Variants in KAZN observed in about 807,000 individuals in gnomAD.
The protein encoded by KAZN is kazrin, periplakin interacting protein, also known as kazrin.
In KAZN, 40 loss-of-function variants were observed where a neutral mutation model predicts 87.4. The ratio of observed to expected loss-of-function variants is 0.46; its 90% CI spans 0.36 to 0.60. The LOEUF (loss-of-function observed/expected upper bound fraction) is 0.60. Among genes scored for constraint, KAZN ranks in the 20% least tolerant of loss-of-function variants. The probability of loss-of-function intolerance (pLI) is 0.00; values close to 1 mark genes in which losing one functional copy is unlikely to be tolerated. For missense variants in KAZN, 898 were observed against 1,073.9 expected (o/e 0.84, Z 2.29); for synonymous variants, 466 against 458.3 (o/e 1.02, Z -0.22).
At chr1:14,667,902 G>A (rs1180384176) in intron 1 of KAZN, among the ~76,000 whole-genome samples, 3 of 151,612 alleles carry the variant, frequency 2.0e-5, no homozygotes, top group South Asian at 2.1e-4. Context: ...AAGCCAAACC[G>A]GAACAAAACC....
At chr1:14,730,380 C>A (rs1643625266) in intron 1 of KAZN, among the ~76,000 whole-genome samples, 1 of 152,190 alleles carries the variant, frequency 6.6e-6, no homozygotes, top group South Asian at 2.1e-4. Flanking sequence ...CCGTGCCCGG[C>A]CTAAAGTATC....
At chr1:14,873,553 G>A (rs185093763) in intron 1 of KAZN, among the ~76,000 whole-genome samples, 8 of 152,336 alleles carry the variant, frequency 5.3e-5, no homozygotes, top group Non-Finnish European at 2.9e-5. Context: ...CAGAGTGTGG[G>A]AGGAGAGGAA....
chr1:14,549,613 CT>C (rs5772587), intron 2 of KAZN, among the ~76,000 whole-genome samples: 3,408 of 135,112 alleles, frequency 0.025, 70 homozygotes, highest in South Asian at 0.093. Flanking sequence ...CAGGCAACCC[CT>C]TTTTTTTTTT....
rs56686642 is a variant in KAZN, at chr1:14,469,284, A to G, written c.250-129699A>G. ...GTTCCAATAGATCTTTCCTATTGACATTATTTAGCCAGTAGTCTAAGGACA... is the reference window on the plus strand; with the variant it reads ...GTTCCAATAGATCTTTCCTATTGACGTTATTTAGCCAGTAGTCTAAGGACA... On this transcript the variant is annotated intron_variant, in intron 2 of 16. Transcript: ENST00000636203. Among the ~76,000 whole-genome samples, 636 of 152,344 alleles carry G rather than the reference A, an allele frequency of 4.2e-3. 4 individuals are homozygous for G. The highest frequency in any genetic ancestry group is 0.013 in the African/African-American group (561 of 41,572).
At chr1:14,722,744 T>C (rs1422758558) in intron 1 of KAZN, among the ~76,000 whole-genome samples, 2 of 152,174 alleles carry the variant, frequency 1.3e-5, no homozygotes, top group Non-Finnish European at 2.9e-5. Flanking sequence ...CATCAACCCT[T>C]GGCCAGTCTT....
chr1:14,902,329 C>A (rs1656020465), intron 1 of KAZN, among the ~76,000 whole-genome samples: 1 of 151,914 alleles, frequency 6.6e-6, no homozygotes, highest in Non-Finnish European at 1.5e-5. Flanking sequence ...GGGTTCACGC[C>A]ATTCTCCTGC....
At chr1:14,278,098 A>G (rs1652529788) in intron 2 of KAZN, among the ~76,000 whole-genome samples, 1 of 139,026 alleles carries the variant, frequency 7.2e-6, no homozygotes, top group Non-Finnish European at 1.5e-5. Context: ...TGAATCTGGG[A>G]GGCGGAGGTT....
chr1:14,615,612 T>G, intron 1 of KAZN, among the ~76,000 whole-genome samples: 1 of 147,128 alleles, frequency 6.8e-6, no homozygotes, highest in Non-Finnish European at 1.5e-5. Flanking sequence ...CATGTCAGAG[T>G]GAGACTCCAT....
At chr1:14,439,281 G>A (rs990389696) in intron 2 of KAZN, among the ~76,000 whole-genome samples, 8 of 152,100 alleles carry the variant, frequency 5.3e-5, no homozygotes, top group Admixed American at 4.6e-4. Context: ...CCATCAGCAA[G>A]TTCTGTTGGC....
chr1:14,927,599 G>A (rs1659308316), intron 1 of KAZN, among the ~76,000 whole-genome samples: 1 of 152,152 alleles, frequency 6.6e-6, no homozygotes, highest in African/African-American at 2.4e-5. Flanking sequence ...ATCAGCTAAA[G>A]GAACTAAGCC....
intron 2 of KAZN, among the ~76,000 whole-genome samples, chr1:14,558,298 G>A (rs1571930936): frequency 6.6e-6 from 1 of 152,158 alleles, no homozygotes; most frequent in South Asian, 2.1e-4. Context: ...AATTTAGAAG[G>A]TAAATGGACC....
intron 1 of KAZN, among the ~76,000 whole-genome samples, chr1:14,098,538 G>A (rs1644179826): frequency 6.6e-6 from 1 of 152,176 alleles, no homozygotes; most frequent in South Asian, 2.1e-4. Context: ...CAACCAGGGT[G>A]TTTGAGGAAT....
At chr1:14,872,231 G>C (rs1652223087) in intron 1 of KAZN, among the ~76,000 whole-genome samples, 1 of 152,044 alleles carries the variant, frequency 6.6e-6, no homozygotes, top group Non-Finnish European at 1.5e-5. Flanking sequence ...TCTGCAAAAT[G>C]GGATATAATA....
chr1:14,363,033 A>C (rs764882118), intron 2 of KAZN, among the ~76,000 whole-genome samples: 5 of 152,088 alleles, frequency 3.3e-5, no homozygotes, highest in East Asian at 3.9e-4. Context: ...TCCTATGAAG[A>C]AGCAGCTGCC....
At chr1:14,919,760 A>G (rs2101477189) in intron 1 of KAZN, among the ~76,000 whole-genome samples, 1 of 152,352 alleles carries the variant, frequency 6.6e-6, no homozygotes, top group East Asian at 1.9e-4. Flanking sequence ...GTCCCGTAAG[A>G]TTATACTGTA....
At chr1:14,565,162 C>T (rs1241867562) in intron 2 of KAZN, among the ~76,000 whole-genome samples, 1 of 152,180 alleles carries the variant, frequency 6.6e-6, no homozygotes, top group Non-Finnish European at 1.5e-5. Flanking sequence ...AGCATCCTTT[C>T]CTCTCCCTCC....
chr1:15,103,946 C>T lies in KAZN; in HGVS notation c.1882-77C>T, dbSNP rs375647403. 12 of 1,436,932 alleles carry T rather than the reference C, an allele frequency of 8.4e-6. No individual in the cohort carries two copies. In the East Asian group the frequency reaches 9.6e-5, roughly 11 times the overall value. The allele number at this position is 1,436,932 out of a possible 1,614,324, so 89.0% of individuals were successfully genotyped here. On this transcript the variant is annotated intron_variant, in intron 12 of 14. Transcript: ENST00000376030. ...AAGCCCTTGCTGTTGGGGACAGAGC[C>T]CCACGTGGAACTGGGGCCCCCTTAG...
At chr1:13,993,856 A>G (rs1162562604) in intron 1 of KAZN, among the ~76,000 whole-genome samples, 1 of 152,234 alleles carries the variant, frequency 6.6e-6, no homozygotes, top group Non-Finnish European at 1.5e-5. Flanking sequence ...AATTGAACTG[A>G]TATGTACAAA....
At chr1:14,242,715 A>C (rs1649090426) in intron 2 of KAZN, among the ~76,000 whole-genome samples, 1 of 152,180 alleles carries the variant, frequency 6.6e-6, no homozygotes, top group Non-Finnish European at 1.5e-5. Flanking sequence ...AGCTAACTTG[A>C]ACTTTGACCT....
Sources: gnomAD v4.1 joint callset for allele counts (sites outside exome capture counted in the v4.1 genomes callset) on GRCh38, gnomAD v4.1.1 for gene constraint, MANE v1.5 for transcripts, NCBI Gene and HGNC (gene_info 2026-07-23, HGNC 2026-07-21) for gene names.